The following FLRT1 variants were observed in gnomAD, a reference collection of about 807,000 sequenced individuals.
FLRT1 encodes the protein fibronectin leucine rich transmembrane protein 1.
In FLRT1, 14 loss-of-function variants were observed where a neutral mutation model predicts 30.9. That is an observed-to-expected ratio of 0.45 (90% CI 0.30 to 0.71). The LOEUF is 0.71. Among genes scored for constraint, FLRT1 ranks in the 30% least tolerant of loss-of-function variants. FLRT1 has a pLI of 0.08. For synonymous variants in FLRT1, 368 were observed against 430.4 expected (o/e 0.85, Z 1.80); for missense variants, 737 against 949.2 (o/e 0.78, Z 2.94).
rs537238642 is a variant in FLRT1 at position 64,118,240 on chromosome 11, C to T, written c.1973C>T (p.Thr658Met). 132 of 1,608,024 alleles carry T rather than the reference C, an allele frequency of 8.2e-5. 1 individual carries two copies. The South Asian group carries it at 1.3e-3, about 16-fold the overall frequency. Reference protein sequence around the residue: ...KATHTIGYGTTRGYRDGGIPD... With the variant: ...KATHTIGYGTMRGYRDGGIPD... ...ACACACACCATTGGCTACGGCACCA[C>T]GCGGGGCTACCGGGACGGCGGCATC... Residue 658 changes from threonine to methionine, a missense_variant, in exon 3 of 3, where the codon ACG becomes ATG. Thr to Met is a moderately conservative substitution (Grantham distance 81). Coordinates refer to ENST00000682287, the MANE Select transcript of FLRT1 (RefSeq NM_013280.5).
At chr11:64,074,342 G>A (rs74443858) in intron 1 of FLRT1, among the ~76,000 whole-genome samples, 10,576 of 152,250 alleles carry the variant, frequency 0.069, 433 homozygotes, top group South Asian at 0.14. Context: ...CCCGCTCTGG[G>A]AGGATTTCCC....
chr11:64,081,091 A>AG (rs1396939915), intron 1 of FLRT1, among the ~76,000 whole-genome samples: 3 of 152,142 alleles, frequency 2.0e-5, no homozygotes, highest in Non-Finnish European at 4.4e-5. Flanking sequence ...GCATGATCTC[A>AG]GCTCACTGCA....
chr11:64,041,642 G>C (rs2134388745), intron 1 of FLRT1, among the ~76,000 whole-genome samples: 1 of 152,304 alleles, frequency 6.6e-6, no homozygotes, highest in East Asian at 1.9e-4. Flanking sequence ...TCGGGAGCTG[G>C]TGTGGTGGCA....
At chr11:64,068,038 A>C (rs150541738) in intron 1 of FLRT1, among the ~76,000 whole-genome samples, 3 of 152,382 alleles carry the variant, frequency 2.0e-5, no homozygotes, top group African/African-American at 7.2e-5. Flanking sequence ...GTTATTTAAC[A>C]AATTGCCTCA....
chr11:64,045,211 C>A (rs2134397232), intron 1 of FLRT1, among the ~76,000 whole-genome samples: 1 of 152,066 alleles, frequency 6.6e-6, no homozygotes, highest in Middle Eastern at 3.4e-3. Flanking sequence ...CCGCTGGTGC[C>A]CTCGGGAGGA....
chr11:64,110,140 GCAGCTTGCTCAAAATAA>G (rs1451970596), intron 2 of FLRT1, among the ~76,000 whole-genome samples: 3 of 152,132 alleles, frequency 2.0e-5, no homozygotes, highest in African/African-American at 7.2e-5. Flanking sequence ...GAGAGGGCAA[GCAGCTTGCTCAAAATAA>G]CACAGCCTGA....
chr11:64,049,259 A>G (rs1242860056), intron 1 of FLRT1, among the ~76,000 whole-genome samples: 1 of 152,096 alleles, frequency 6.6e-6, no homozygotes, highest in Non-Finnish European at 1.5e-5. Context: ...GTAGTAGGAA[A>G]CTGAGGCACA....
In FLRT1 at chr11:64,082,509, C is replaced by T. The variant is rs1411178764; in HGVS notation, c.-1037-20685C>T. ...CAAGAGCTGGTCCCAGGGGGTGAAA[C>T]AAGGCTCGGTGCCTAACGGTGGTGG... On this transcript the variant is annotated intron_variant, in intron 1 of 2. Coordinates refer to ENST00000682287, the MANE Select transcript of FLRT1 (RefSeq NM_013280.5). This position sits in a 1 kb window ranked among gnomAD's most constrained non-coding sequence, Gnocchi z 4.5. 3.9e-5 allele frequency among the ~76,000 whole-genome samples: 6 copies of T among 152,038 alleles called. No homozygotes were observed. The highest frequency in any genetic ancestry group is 8.8e-5 in the Non-Finnish European group (6 of 67,994).
chr11:64,047,525 G>A (rs1325928195), intron 1 of FLRT1, among the ~76,000 whole-genome samples: 1 of 152,168 alleles, frequency 6.6e-6, no homozygotes, highest in Non-Finnish European at 1.5e-5. Flanking sequence ...GGCATTCACA[G>A]AGGATCACAT....
chr11:64,116,216 C>A lies in FLRT1; in HGVS notation c.-49-3C>A. The A allele has an allele frequency of 6.4e-7, 1 of 1,557,146 alleles. No homozygotes were observed. Among genetic ancestry groups the A allele is most frequent in the Non-Finnish European group, 8.6e-7 (1 of 1,157,478 alleles). On this transcript the variant is annotated splice_polypyrimidine_tract_variant and splice_region_variant and intron_variant, in intron 2 of 2. Coordinates refer to ENST00000682287, the MANE Select transcript of FLRT1 (RefSeq NM_013280.5). ...CACTGCCCCTGTCCTGTGCTCCTTGCAGGTATTCAGGCTCCAGGCCAGGTG... is the reference window on the plus strand; with the variant it reads ...CACTGCCCCTGTCCTGTGCTCCTTGAAGGTATTCAGGCTCCAGGCCAGGTG...
At chr11:64,060,825 C>T (rs942899081) in intron 1 of FLRT1, among the ~76,000 whole-genome samples, 1 of 152,216 alleles carries the variant, frequency 6.6e-6, no homozygotes, top group Non-Finnish European at 1.5e-5. Context: ...CCCCGGGTCG[C>T]CCGGGTCCCG....
intron 1 of FLRT1, among the ~76,000 whole-genome samples, chr11:64,052,190 A>C (rs1041531856): frequency 1.3e-5 from 2 of 152,038 alleles, no homozygotes; most frequent in African/African-American, 2.4e-5. Flanking sequence ...CCGGTGCCAA[A>C]CCAGGGATGC....
intron 1 of FLRT1, among the ~76,000 whole-genome samples, chr11:64,099,991 G>A (rs138352462): frequency 2.6e-5 from 4 of 152,246 alleles, no homozygotes; most frequent in Admixed American, 6.5e-5. Context: ...TGGATGGTCC[G>A]TTTCTCTTGC....
intron 1 of FLRT1, among the ~76,000 whole-genome samples, chr11:64,102,930 G>C (rs1944695301): frequency 6.6e-6 from 1 of 152,154 alleles, no homozygotes; most frequent in Non-Finnish European, 1.5e-5. Context: ...AATTAGCCGG[G>C]TGTGGTGGCT....
chr11:64,059,955 G>A (rs1300092704), intron 1 of FLRT1, among the ~76,000 whole-genome samples: 6 of 152,200 alleles, frequency 3.9e-5, no homozygotes, highest in Non-Finnish European at 5.9e-5. Flanking sequence ...GGGATGTTGG[G>A]GGGCCGGGGC....
At chr11:64,052,138 C>G (rs1234570148) in intron 1 of FLRT1, among the ~76,000 whole-genome samples, 1 of 151,980 alleles carries the variant, frequency 6.6e-6, no homozygotes, top group Non-Finnish European at 1.5e-5. Flanking sequence ...GAAAGAGTGG[C>G]CTTGGGGCCA....
intron 1 of FLRT1, among the ~76,000 whole-genome samples, chr11:64,076,908 G>A (rs908744491): frequency 6.6e-6 from 1 of 152,222 alleles, no homozygotes; most frequent in Admixed American, 6.5e-5. Context: ...TTGGGGCTAA[G>A]ACTTCTTCAT....
At chr11:64,052,461 C>T (rs539451722) in intron 1 of FLRT1, among the ~76,000 whole-genome samples, 2 of 152,310 alleles carry the variant, frequency 1.3e-5, no homozygotes, top group South Asian at 4.1e-4. Context: ...ACTACAGGGG[C>T]AGGCCTGGGC....
chr11:64,078,217 C>T (rs1456759301), intron 1 of FLRT1, among the ~76,000 whole-genome samples: 1 of 152,190 alleles, frequency 6.6e-6, no homozygotes, highest in African/African-American at 2.4e-5. Context: ...TGCCCATGCC[C>T]AGTAGGACGT....
Sources: allele counts gnomAD v4.1 joint callset (sites outside exome capture counted in the v4.1 genomes callset), GRCh38; gene constraint gnomAD v4.1.1; non-coding constraint Gnocchi (gnomAD v3.1); transcripts MANE v1.5; gene names NCBI Gene and HGNC (gene_info 2026-07-23, HGNC 2026-07-21).